The following SOBP variants were observed in gnomAD, a reference collection of about 807,000 sequenced individuals.
The protein encoded by SOBP is sine oculis binding protein homolog, also known as sine oculis-binding protein homolog.
A neutral mutation model predicts 53.6 loss-of-function variants in SOBP; 4 were observed. The ratio of observed to expected loss-of-function variants is 0.07; its 90% CI spans 0.04 to 0.17. The LOEUF is 0.17. Among genes scored for constraint, SOBP ranks in the 10% least tolerant of loss-of-function variants. The probability of loss-of-function intolerance (pLI) is 1.00; values close to 1 mark genes in which losing one functional copy is unlikely to be tolerated. For missense variants in SOBP, 1,088 were observed against 1,204.7 expected, an observed-to-expected ratio of 0.90 and a Z score of 1.43; for synonymous variants, 584 against 522.6, an observed-to-expected ratio of 1.12 and a Z score of -1.60.
At chr6:107,551,534 C>T (rs1784459608) in intron 4 of SOBP, among the ~76,000 whole-genome samples, 1 of 152,136 alleles carries the variant, frequency 6.6e-6, no homozygotes, top group South Asian at 2.1e-4. Flanking sequence ...GTCACAGCTA[C>T]AACCTGGCTA....
chr6:107,638,172 A>G (rs931358221), intron 6 of SOBP, among the ~76,000 whole-genome samples: 2 of 151,772 alleles, frequency 1.3e-5, no homozygotes, highest in Non-Finnish European at 2.9e-5. Context: ...ATTTACTCAC[A>G]TTCTCTGGCC....
chr6:107,572,261 C>T (rs1785094173), intron 4 of SOBP, among the ~76,000 whole-genome samples: 2 of 151,536 alleles, frequency 1.3e-5, no homozygotes, highest in Non-Finnish European at 2.9e-5. Context: ...AAAGAAAAGC[C>T]CTAGCCTTTT....
chr6:107,527,629 G>T (rs1387153840), intron 3 of SOBP, among the ~76,000 whole-genome samples: 2 of 152,152 alleles, frequency 1.3e-5, no homozygotes, highest in Non-Finnish European at 2.9e-5. Context: ...GTTAGGGTGG[G>T]CATGACCAGT....
At chr6:107,512,227 A>T (rs1056032723) in intron 3 of SOBP, among the ~76,000 whole-genome samples, 1 of 152,244 alleles carries the variant, frequency 6.6e-6, no homozygotes, top group Non-Finnish European at 1.5e-5. Context: ...GTGGCAAAAA[A>T]TATGTCAGCA....
At position 107,591,116 on chromosome 6, in the gene SOBP, C is replaced by T. The variant is rs113461556; in HGVS notation, c.669+3941C>T. On this transcript the variant is annotated intron_variant, in intron 5 of 6. Transcript: ENST00000317357. The stretch of plus-strand genomic sequence containing the variant: ...TGGTGGTATAGCTAAGGATCATAGA[C>T]GCAAAGGCTTAACATTTATTGTAAC... Among the ~76,000 whole-genome samples the T allele has an allele frequency of 6.2e-3, 938 of 152,262 alleles. 16 individuals carry two copies. Among genetic ancestry groups the T allele is most frequent in the African/African-American group, 0.021 (868 of 41,542 alleles).
chr6:107,640,992 T>G (rs1292997106), intron 6 of SOBP, among the ~76,000 whole-genome samples: 2 of 152,218 alleles, frequency 1.3e-5, no homozygotes, highest in African/African-American at 2.4e-5. Context: ...CCCCCTGAAA[T>G]TTCATGGAAA....
At chr6:107,508,734 C>T (rs1783071326) in intron 3 of SOBP, among the ~76,000 whole-genome samples, 1 of 152,106 alleles carries the variant, frequency 6.6e-6, no homozygotes, top group African/African-American at 2.4e-5. Flanking sequence ...CCCTGTTCTC[C>T]TTTGGTTGAT....
At chr6:107,543,231 C>G (rs1030860085) in intron 4 of SOBP, among the ~76,000 whole-genome samples, 11 of 152,140 alleles carry the variant, frequency 7.2e-5, no homozygotes, top group Non-Finnish European at 1.2e-4. Context: ...ATCACAGTCC[C>G]GTTTCTTTCC....
chr6:107,652,746 C>G (rs1441927321), intron 6 of SOBP, among the ~76,000 whole-genome samples: 1 of 152,158 alleles, frequency 6.6e-6, no homozygotes, highest in Non-Finnish European at 1.5e-5. Flanking sequence ...ACAGCCACCC[C>G]AGCCTTTGGC....
chr6:107,648,517 T>G (rs1462119592), intron 6 of SOBP, among the ~76,000 whole-genome samples: 1 of 150,366 alleles, frequency 6.7e-6, no homozygotes, highest in Non-Finnish European at 1.5e-5. Flanking sequence ...TGAGACTTGA[T>G]GAAAATGTGT....
At chr6:107,550,623 C>T (rs1351253433) in intron 4 of SOBP, among the ~76,000 whole-genome samples, 1 of 152,234 alleles carries the variant, frequency 6.6e-6, no homozygotes, top group South Asian at 2.1e-4. Flanking sequence ...CCGGGCACCA[C>T]AGGGTGACTT....
intron 3 of SOBP, among the ~76,000 whole-genome samples, chr6:107,515,568 G>A (rs1484818867): frequency 1.3e-5 from 2 of 152,076 alleles, no homozygotes; most frequent in Non-Finnish European, 2.9e-5. Context: ...GGGCAACATG[G>A]CAAAACCCTG....
At chr6:107,625,270 G>A (rs1770406132) in intron 5 of SOBP, among the ~76,000 whole-genome samples, 1 of 152,190 alleles carries the variant, frequency 6.6e-6, no homozygotes. Flanking sequence ...TTTGAGGACT[G>A]GGCAGAGATG....
intron 5 of SOBP, among the ~76,000 whole-genome samples, chr6:107,591,968 G>GTTTTTT (rs56210027): frequency 2.3e-5 from 2 of 88,636 alleles, no homozygotes; most frequent in Admixed American, 1.3e-4. Context: ...GTCTTTTGGT[G>GTTTTTT]TTTTTTTTTT....
chr6:107,523,251 G>T (rs1382219141), intron 3 of SOBP, among the ~76,000 whole-genome samples: 1 of 152,148 alleles, frequency 6.6e-6, no homozygotes, highest in Non-Finnish European at 1.5e-5. Flanking sequence ...GACTATTTTG[G>T]CATGCTGTGT....
intron 5 of SOBP, among the ~76,000 whole-genome samples, chr6:107,615,773 C>T (rs117377667): frequency 0.032 from 4,812 of 151,956 alleles, 107 homozygotes; most frequent in Non-Finnish European, 0.05. Flanking sequence ...CAGTTATGGA[C>T]GGGAAAGGAT....
Position 107,596,206 on chromosome 6 carries a change from T to C in SOBP, c.669+9031T>C, listed in dbSNP as rs538401107. On this transcript the variant is annotated intron_variant, in intron 5 of 6. Transcript: ENST00000317357. ...TGAGATGCACTTTCCCCCCTAACAT[T>C]TTAATATCTCAGAAATGGGAGTCAT... 3.3e-5 allele frequency among the ~76,000 whole-genome samples: 5 copies of C among 152,272 alleles called. No individual in the cohort carries two copies. In the East Asian group the frequency reaches 5.8e-4, roughly 18 times the overall value.
chr6:107,642,292 A>G (rs146299445), intron 6 of SOBP, among the ~76,000 whole-genome samples: 15 of 152,324 alleles, frequency 9.8e-5, no homozygotes, highest in African/African-American at 3.4e-4. Flanking sequence ...GAGACCATCA[A>G]CAGGGAGGGG....
intron 5 of SOBP, among the ~76,000 whole-genome samples, chr6:107,587,747 ACT>A (rs912126108): frequency 6.6e-6 from 1 of 152,002 alleles, no homozygotes; most frequent in Non-Finnish European, 1.5e-5. Context: ...TGACATTGAG[ACT>A]CTGTTCCAAT....
Sources: gnomAD v4.1 joint callset for allele counts (sites outside exome capture counted in the v4.1 genomes callset) on GRCh38, gnomAD v4.1.1 for gene constraint, MANE v1.5 for transcripts, NCBI Gene and HGNC (gene_info 2026-07-23, HGNC 2026-07-21) for gene names.